Variants in RAPGEF6 observed in about 807,000 individuals in gnomAD.
RAPGEF6 encodes the protein PDZ domain containing guanine nucleotide exchange factor (GEF) 2.
A neutral mutation model predicts 171.4 loss-of-function variants in RAPGEF6; 56 were observed. The observed-to-expected ratio is 0.33, with a 90% confidence interval of 0.26 to 0.41. The LOEUF is 0.41. Ranked by LOEUF, RAPGEF6 falls within the 10% of genes least tolerant of loss-of-function variation. The pLI, the probability that RAPGEF6 is intolerant of heterozygous loss-of-function variation, is 1.00. For missense variants in RAPGEF6, 1,674 were observed against 1,921.4 expected, an observed-to-expected ratio of 0.87 and a Z score of 2.41; for synonymous variants, 692 against 650.1, an observed-to-expected ratio of 1.06 and a Z score of -0.98.
At chr5:131,463,586 A>G (rs1754097326) in intron 18 of RAPGEF6, 1 of 684,926 alleles carries the variant, frequency 1.5e-6, no homozygotes, top group Non-Finnish European at 1.8e-6. Flanking sequence ...CTCAAAAAAA[A>G]AAAAAAAAAC....
chr5:131,553,497 A>G (rs1004443664), intron 5 of RAPGEF6, among the ~76,000 whole-genome samples: 11 of 152,268 alleles, frequency 7.2e-5, no homozygotes, highest in African/African-American at 2.4e-4. Context: ...CAGATGCTGG[A>G]ACTACCAGAG....
intron 6 of RAPGEF6, among the ~76,000 whole-genome samples, chr5:131,541,151 G>C (rs1760111186): frequency 6.6e-6 from 1 of 152,172 alleles, no homozygotes; most frequent in African/African-American, 2.4e-5. Context: ...CACACTTCAT[G>C]CAAGTACTAT....
intron 6 of RAPGEF6, among the ~76,000 whole-genome samples, chr5:131,528,971 G>A (rs1426146457): frequency 6.6e-6 from 1 of 152,074 alleles, no homozygotes; most frequent in East Asian, 1.9e-4. Flanking sequence ...GTGACTGGAG[G>A]AGCACCTCAA....
intron 5 of RAPGEF6, among the ~76,000 whole-genome samples, chr5:131,559,343 A>C (rs185032713): frequency 6.6e-6 from 1 of 151,962 alleles, no homozygotes; most frequent in Non-Finnish European, 1.5e-5. Context: ...TGAAAATAAA[A>C]ATAAAAATAA....
At chr5:131,566,124 G>C (rs1761915190) in intron 4 of RAPGEF6, among the ~76,000 whole-genome samples, 1 of 151,632 alleles carries the variant, frequency 6.6e-6, no homozygotes, top group African/African-American at 2.4e-5. Flanking sequence ...TCCAGCCTGG[G>C]TGACAGAATG....
chr5:131,443,089 C>T (rs1345425407), intron 22 of RAPGEF6, among the ~76,000 whole-genome samples: 1 of 152,114 alleles, frequency 6.6e-6, no homozygotes, highest in African/African-American at 2.4e-5. Context: ...GGATTACAGG[C>T]ATGCACCACC....
chr5:131,536,451 C>G, intron 6 of RAPGEF6, among the ~76,000 whole-genome samples: 1 of 152,178 alleles, frequency 6.6e-6, no homozygotes, highest in East Asian at 1.9e-4. Context: ...GCAAGAGTAC[C>G]AACGCTCTTT....
At chr5:131,493,852 C>A (rs1050984077) in intron 13 of RAPGEF6, among the ~76,000 whole-genome samples, 1 of 152,254 alleles carries the variant, frequency 6.6e-6, no homozygotes, top group Admixed American at 6.5e-5. Flanking sequence ...AAAGCCAACA[C>A]AGGATGACTC....
At chr5:131,436,591 C>A (rs951329574) in intron 24 of RAPGEF6, among the ~76,000 whole-genome samples, 1 of 150,134 alleles carries the variant, frequency 6.7e-6, no homozygotes, top group African/African-American at 2.5e-5. Flanking sequence ...AGAAAGATTA[C>A]CTTTATCAGC....
intron 15 of RAPGEF6, among the ~76,000 whole-genome samples, chr5:131,487,649 T>C (rs914329782): frequency 5.9e-5 from 9 of 152,198 alleles, no homozygotes; most frequent in African/African-American, 1.4e-4. Context: ...AGAGTGCTGA[T>C]TGGTGCGTTT....
At chr5:131,617,502 GAGTGT>G (rs2150030295) in intron 1 of RAPGEF6, among the ~76,000 whole-genome samples, 1 of 152,310 alleles carries the variant, frequency 6.6e-6, no homozygotes, top group South Asian at 2.1e-4. Flanking sequence ...GCCCAGGCTG[GAGTGT>G]AGTGTTACGA....
chr5:131,532,536 CTCTG>C (rs1284863758), intron 6 of RAPGEF6, among the ~76,000 whole-genome samples: 1 of 152,150 alleles, frequency 6.6e-6, no homozygotes, highest in East Asian at 1.9e-4. Context: ...AACCTTTCCT[CTCTG>C]TAATATAGCT....
At chr5:131,509,298 C>T (rs1757563131) in intron 8 of RAPGEF6, among the ~76,000 whole-genome samples, 2 of 151,968 alleles carry the variant, frequency 1.3e-5, no homozygotes, top group Admixed American at 1.3e-4. Context: ...AATCCCAGCA[C>T]TTAGGGAGGC....
At position 131,425,886 on chromosome 5, in the gene RAPGEF6, C is replaced by CTTTTTTTTTT. The variant is rs376096619; in HGVS notation, c.*1370_*1379dup. On this transcript the variant is annotated 3_prime_UTR_variant, in exon 28 of 28. Transcript: ENST00000509018. ...GGGTAGTGCACGTTAATGGCTTTGG[C>CTTTTTTTTTT]TTTTTTTTTTTTTTTTTTTTTGGTA... The CTTTTTTTTTT allele has an allele frequency of 1.1e-4, 9 of 84,434 alleles. No individual in the cohort carries two copies. The highest frequency in any genetic ancestry group is 3.8e-4 in the East Asian group (1 of 2,618). 5.2% of individuals were successfully genotyped at this position (84,434 alleles called of 1,614,324 possible).
At chr5:131,531,567 A>C (rs916416430) in intron 6 of RAPGEF6, among the ~76,000 whole-genome samples, 1 of 152,194 alleles carries the variant, frequency 6.6e-6, no homozygotes, top group Admixed American at 6.5e-5. Context: ...AATACTTAGA[A>C]TCATTATTTA....
intron 19 of RAPGEF6, among the ~76,000 whole-genome samples, chr5:131,458,318 T>G (rs901868554): frequency 6.6e-6 from 1 of 152,176 alleles, no homozygotes; most frequent in East Asian, 1.9e-4. Context: ...AGTGTGGCAC[T>G]TCCCCCCTCA....
intron 4 of RAPGEF6, among the ~76,000 whole-genome samples, chr5:131,576,335 C>T (rs1762603969): frequency 6.6e-6 from 1 of 152,180 alleles, no homozygotes; most frequent in Non-Finnish European, 1.5e-5. Context: ...TACCTCTCAA[C>T]GTGCCAAACT....
At chr5:131,580,151 C>T (rs1452235370) in intron 4 of RAPGEF6, among the ~76,000 whole-genome samples, 2 of 152,122 alleles carry the variant, frequency 1.3e-5, no homozygotes, top group South Asian at 2.1e-4. Context: ...TCGGGCATGG[C>T]GGGCTGCAGG....
intron 1 of RAPGEF6, among the ~76,000 whole-genome samples, chr5:131,610,603 A>C (rs1764878802): frequency 6.6e-6 from 1 of 152,202 alleles, no homozygotes; most frequent in South Asian, 2.1e-4. Context: ...AGAAGGCTTG[A>C]GTCATACCAA....
Sources: gnomAD v4.1 joint callset for allele counts (sites outside exome capture counted in the v4.1 genomes callset) on GRCh38, gnomAD v4.1.1 for gene constraint, MANE v1.5 for transcripts, NCBI Gene and HGNC (gene_info 2026-07-23, HGNC 2026-07-21) for gene names.